Variants in HROB observed in about 807,000 individuals in gnomAD.
HROB encodes the protein homologous recombination OB-fold protein.
A neutral mutation model predicts 61.0 loss-of-function variants in HROB; 44 were observed. The observed-to-expected ratio is 0.72, with a 90% CI of 0.57 to 0.93. The LOEUF (loss-of-function observed/expected upper bound fraction) is 0.93, where lower values mean the gene tolerates loss of function less well. HROB is among the 40% of genes least tolerant of loss of function. The pLI, the probability that HROB is intolerant of heterozygous loss-of-function variation, is 0.00. For synonymous variants in HROB, 301 were observed against 310.4 expected, an observed-to-expected ratio of 0.97 and a Z score of 0.32; for missense variants, 716 against 796.2, an observed-to-expected ratio of 0.90 and a Z score of 1.21.
At chr17:44,143,448 C>T (rs963165637) in intron 1 of HROB, among the ~76,000 whole-genome samples, 1 of 152,054 alleles carries the variant, frequency 6.6e-6, no homozygotes, top group African/African-American at 2.4e-5. Context: ...TCAAGACCAG[C>T]CTGGCTAACA....
At position 44,150,986 on chromosome 17, in the gene HROB, T is replaced by C; in HGVS notation, c.1250T>C (p.Ile417Thr). Residue 417 changes from isoleucine (I) to threonine (T), a missense_variant, in exon 4 of 10, where the codon ATC becomes ACC. Coordinates refer to ENST00000585683, the MANE Select transcript of HROB (RefSeq NM_001171251.3). ...CAGAGTGGGAGAAGTCTGGAGGACA[T>C]CATGGTTTCCGCGCCCCAAACTCCA... ...HQQSGRSLED[I>T]MVSAPQTPTH... The C allele has an allele frequency of 6.2e-7, 1 of 1,613,104 alleles. No individual in the cohort carries two copies.
chr17:44,155,151 T>C lies in HROB; in HGVS notation c.1645-135T>C, dbSNP rs1379747363. 19 of 1,399,894 alleles carry C rather than the reference T, an allele frequency of 1.4e-5. No homozygotes were observed. In the Admixed American group the frequency reaches 2.7e-4, roughly 20 times the overall value. The allele number at this position is 1,399,894 out of a possible 1,614,324, so 86.7% of individuals were successfully genotyped here. ...GATGGAGGGTTGTGTTAAGGGGAGA[T>C]TGTGGCAAATGGTTCTCTTCTGGCA... is the stretch of plus-strand genomic sequence containing the variant. On this transcript the variant is annotated intron_variant, in intron 7 of 9. Coordinates refer to ENST00000585683, the MANE Select transcript of HROB (RefSeq NM_001171251.3).
intron 9 of HROB, among the ~76,000 whole-genome samples, chr17:44,160,838 C>T (rs2054116478): frequency 6.6e-6 from 1 of 152,184 alleles, no homozygotes; most frequent in African/African-American, 2.4e-5. Context: ...AGCCTGCACT[C>T]TTTCTTTGTG....
chr17:44,145,286 C>A, intron 2 of HROB, 33 bp downstream of exon 2: 1 of 1,611,900 alleles, frequency 6.2e-7, no homozygotes, highest in Non-Finnish European at 8.5e-7. Context: ...AGGTGGCAGA[C>A]GAGGTCTTAA....
chr17:44,142,418 A>G (rs923741981), intron 1 of HROB, among the ~76,000 whole-genome samples: 1 of 148,550 alleles, frequency 6.7e-6, no homozygotes, highest in Non-Finnish European at 1.5e-5. Flanking sequence ...CTCAGACGTC[A>G]CTACCGCTTG....
intron 1 of HROB, among the ~76,000 whole-genome samples, chr17:44,144,048 G>T (rs1451824429): frequency 6.6e-5 from 10 of 151,590 alleles, no homozygotes; most frequent in Non-Finnish European, 4.4e-5. Flanking sequence ...TGCAATCTTG[G>T]CTCACTGCAA....
intron 1 of HROB, 81 bp downstream of exon 1, chr17:44,142,226 C>T: frequency 2.2e-6 from 3 of 1,381,168 alleles, no homozygotes; most frequent in Non-Finnish European, 1.9e-6. Context: ...TCCAGCCCCT[C>T]GCCCGCGCAA....
Position 44,142,033 on chromosome 17 carries a change from C to T in HROB, c.-110C>T. The T allele has an allele frequency of 2.1e-6, 3 of 1,416,932 alleles. No individual in the cohort carries two copies. Among genetic ancestry groups the T allele is most frequent in the Non-Finnish European group, 2.9e-6 (3 of 1,049,512 alleles). 87.8% of individuals were successfully genotyped at this position (1,416,932 alleles called of 1,614,324 possible). On this transcript the variant is annotated 5_prime_UTR_variant, in exon 1 of 10. Transcript: ENST00000585683. Reference sequence around the variant, plus strand: ...TCCCTCTGACCCCAGCCCGGAAGCACTGTCCCTCGGAGTCCGAGACTTCCA... The same window carrying T: ...TCCCTCTGACCCCAGCCCGGAAGCATTGTCCCTCGGAGTCCGAGACTTCCA...
chr17:44,151,004 A>C lies in HROB; in HGVS notation c.1268A>C (p.Gln423Pro). Reference sequence around the variant, plus strand: ...GAGGACATCATGGTTTCCGCGCCCCAAACTCCAACCCATGGTGCTCTGGCT... The same window carrying C: ...GAGGACATCATGGTTTCCGCGCCCCCAACTCCAACCCATGGTGCTCTGGCT... ...SLEDIMVSAP[Q>P]TPTHGALAKF... is the part of the protein sequence containing the mutation. Residue 423 changes from glutamine (Q) to proline (P), a missense_variant, in exon 4 of 10, where the codon CAA (glutamine) becomes CCA (proline). Coordinates refer to ENST00000585683, the MANE Select transcript of HROB (RefSeq NM_001171251.3). 1 of 1,613,358 alleles carries C rather than the reference A, an allele frequency of 6.2e-7. No individual in the cohort carries two copies. The highest frequency in any genetic ancestry group is 8.5e-7 in the Non-Finnish European group (1 of 1,179,938).
chr17:44,158,784 T>A (rs2054047026), intron 9 of HROB, among the ~76,000 whole-genome samples: 1 of 152,156 alleles, frequency 6.6e-6, no homozygotes, highest in South Asian at 2.1e-4. Flanking sequence ...TAGCTGGGAC[T>A]ACAGGCGCCC....
chr17:44,146,223 G>A (rs768893272), intron 2 of HROB, among the ~76,000 whole-genome samples: 27 of 151,936 alleles, frequency 1.8e-4, no homozygotes, highest in Non-Finnish European at 2.8e-4. Flanking sequence ...CTAATTTTTC[G>A]TTTTTTTGTA....
At position 44,152,620 on chromosome 17, in the gene HROB, C is replaced by G. The variant is rs747218019; in HGVS notation, c.1309-17C>G. The G allele has an allele frequency of 9.9e-6, 16 of 1,613,166 alleles. No homozygotes were observed. Among genetic ancestry groups the G allele is most frequent in the Middle Eastern group, 1.6e-4 (1 of 6,084 alleles). On this transcript the variant is annotated splice_polypyrimidine_tract_variant and intron_variant, in intron 4 of 9. Coordinates refer to ENST00000585683, the MANE Select transcript of HROB (RefSeq NM_001171251.3). ...AGACCTATTCATACAGGCTCCCCCT[C>G]TGCTCTGTGGTACCAGATTGTTGCT...
chr17:44,142,377 A>G (rs768168493), intron 1 of HROB, among the ~76,000 whole-genome samples: 7 of 143,682 alleles, frequency 4.9e-5, no homozygotes, highest in Non-Finnish European at 1.1e-4. Flanking sequence ...TTGCCTTCCT[A>G]CCCTCCTGGG....
At chr17:44,161,658 G>A (rs115896197) in intron 9 of HROB, among the ~76,000 whole-genome samples, 30 of 152,276 alleles carry the variant, frequency 2.0e-4, no homozygotes, top group African/African-American at 4.6e-4. Flanking sequence ...TTACGCCCCC[G>A]CCTTTTGTCA....
rs748427561 is a variant in HROB, at chr17:44,154,778, C to T, written c.1559-75C>T. On this transcript the variant is annotated intron_variant, in intron 6 of 9. Transcript: ENST00000585683. The stretch of plus-strand genomic sequence containing the variant: ...GAAAACTGAGGCAGTGAGCAGCCCA[C>T]TTCCCAGCCAGGGCCCATACCAGTC... 53 of 1,595,338 alleles carry T rather than the reference C, an allele frequency of 3.3e-5. 1 individual carries two copies. Among genetic ancestry groups the T allele is most frequent in the Non-Finnish European group, 2.9e-5 (34 of 1,165,306 alleles).
intron 8 of HROB, among the ~76,000 whole-genome samples, chr17:44,155,939 T>G (rs571351436): frequency 3.9e-5 from 6 of 152,116 alleles, no homozygotes; most frequent in Non-Finnish European, 7.4e-5. Context: ...AAGCATGGGC[T>G]TCCAGGCAGA....
intron 7 of HROB, 24 bp downstream of exon 7, chr17:44,154,962 C>T: frequency 6.2e-7 from 1 of 1,606,918 alleles, no homozygotes; most frequent in Non-Finnish European, 8.5e-7. Flanking sequence ...CTCTCCACAC[C>T]ACTGCCCCCC....
intron 2 of HROB, among the ~76,000 whole-genome samples, chr17:44,145,718 G>A (rs900699229): frequency 6.6e-6 from 1 of 152,162 alleles, no homozygotes; most frequent in Non-Finnish European, 1.5e-5. Flanking sequence ...TGCCTCAGAT[G>A]TTCTTCCCTT....
intron 2 of HROB, among the ~76,000 whole-genome samples, chr17:44,147,411 GTTTCTT>G (rs200517986): frequency 0.017 from 2,472 of 148,806 alleles, 66 homozygotes; most frequent in African/African-American, 0.057. Flanking sequence ...TCATGCTTTG[GTTTCTT>G]TTTCTTTTTC....
Sources: gnomAD v4.1 joint callset for allele counts (sites outside exome capture counted in the v4.1 genomes callset) on GRCh38, gnomAD v4.1.1 for gene constraint, MANE v1.5 for transcripts, NCBI Gene and HGNC (gene_info 2026-07-23, HGNC 2026-07-21) for gene names.